Variants in GALNT10 observed in about 807,000 individuals in gnomAD.
GALNT10 encodes GalNAc transferase 10.
A neutral mutation model predicts 75.0 loss-of-function variants in GALNT10; 41 were observed. The observed-to-expected ratio is 0.55, with a 90% CI of 0.43 to 0.71. GALNT10 has a LOEUF of 0.71. Among genes scored for constraint, GALNT10 ranks in the 30% least tolerant of loss-of-function variants. The probability of loss-of-function intolerance (pLI) is 0.00; values close to 1 mark genes in which losing one functional copy is unlikely to be tolerated. For synonymous variants in GALNT10, 302 were observed against 313.0 expected (o/e 0.96, Z 0.37); for missense variants, 727 against 818.5 (o/e 0.89, Z 1.36).
rs372126311 is a variant in GALNT10 at position 154,416,480 on chromosome 5, T to TGCACACACACAC, written c.1654-334_1654-333insGCACACACACAC. Among the ~76,000 whole-genome samples, 1 of 141,828 alleles carries TGCACACACACAC rather than the reference T, an allele frequency of 7.1e-6. No individual in the cohort carries two copies. Among genetic ancestry groups the TGCACACACACAC allele is most frequent in the South Asian group, 2.4e-4 (1 of 4,198 alleles). The allele number at this position is 141,828 out of a possible 152,430, so 93.0% of individuals were successfully genotyped here. Reference sequence around the variant, plus strand: ...AAATAAAAGATAAAAGGAAAGCACATACACACACACACACACACACACACA... The same window carrying TGCACACACACAC: ...AAATAAAAGATAAAAGGAAAGCACATGCACACACACACACACACACACACACACACACACACA... On this transcript the variant is annotated intron_variant, in intron 11 of 11. Coordinates refer to ENST00000297107, the MANE Select transcript of GALNT10 (RefSeq NM_198321.4). This position sits in a 1 kb window ranked among gnomAD's most constrained non-coding sequence, Gnocchi z 4.5.
rs1411973593 is a variant in GALNT10 at position 154,352,848 on chromosome 5, T to C, written c.568+23110T>C. Among the ~76,000 whole-genome samples, 1 of 152,194 alleles carries C rather than the reference T, an allele frequency of 6.6e-6. No individual in the cohort carries two copies. The highest frequency in any genetic ancestry group is 2.4e-5 in the African/African-American group (1 of 41,432). On this transcript the variant is annotated intron_variant, in intron 4 of 11. Transcript: ENST00000297107. This position sits in a 1 kb window ranked among gnomAD's most constrained non-coding sequence, Gnocchi z 4.4. ...CCGCGGTCTTGCATCGGGACATGGC[T>C]ATGGCAGGGAAGAAATTTTCACAGG...
intron 1 of GALNT10, among the ~76,000 whole-genome samples, chr5:154,211,894 A>G (rs1430368601): frequency 6.6e-6 from 1 of 152,210 alleles, no homozygotes; most frequent in Non-Finnish European, 1.5e-5. Context: ...AGGAAGCCAC[A>G]GTCCTTCTAG....
intron 4 of GALNT10, chr5:154,337,534 G>C: frequency 1.3e-6 from 1 of 746,696 alleles, no homozygotes; most frequent in Admixed American, 1.7e-5. Flanking sequence ...TGGTTTCATG[G>C]TTTGGCGAAG....
At chr5:154,225,914 A>G (rs1666178335) in intron 1 of GALNT10, among the ~76,000 whole-genome samples, 1 of 146,110 alleles carries the variant, frequency 6.8e-6, no homozygotes, top group Non-Finnish European at 1.5e-5. Context: ...GTTTTCACTC[A>G]TAGGTGGGAA....
chr5:154,230,352 A>G (rs1019030689), intron 1 of GALNT10, among the ~76,000 whole-genome samples: 2 of 152,198 alleles, frequency 1.3e-5, no homozygotes, highest in East Asian at 3.9e-4. Context: ...TCCTGTCCCC[A>G]AGGGGTTTAC....
At chr5:154,294,366 A>C (rs904542530) in intron 1 of GALNT10, among the ~76,000 whole-genome samples, 5 of 152,166 alleles carry the variant, frequency 3.3e-5, no homozygotes, top group Non-Finnish European at 7.4e-5. Context: ...AAAGAATGTA[A>C]AATACCTTAA....
intron 1 of GALNT10, among the ~76,000 whole-genome samples, chr5:154,291,179 T>C (rs1370216487): frequency 6.6e-6 from 1 of 152,176 alleles, no homozygotes; most frequent in Non-Finnish European, 1.5e-5. Flanking sequence ...AGAACATGAT[T>C]CTAGGGGTTT....
intron 1 of GALNT10, among the ~76,000 whole-genome samples, chr5:154,256,450 A>G (rs1329779854): frequency 6.6e-6 from 1 of 150,456 alleles, no homozygotes; most frequent in Non-Finnish European, 1.5e-5. Flanking sequence ...TCTCTCATTC[A>G]GTTTCATCTG....
At chr5:154,386,110 G>C (rs930993089) in intron 6 of GALNT10, among the ~76,000 whole-genome samples, 2 of 152,236 alleles carry the variant, frequency 1.3e-5, no homozygotes, top group Non-Finnish European at 2.9e-5. Context: ...GTCCCATTTG[G>C]TTAAAATGTA....
intron 1 of GALNT10, among the ~76,000 whole-genome samples, chr5:154,279,304 G>GTTTTTT (rs1199051669): frequency 9.9e-6 from 1 of 101,354 alleles, no homozygotes; most frequent in Non-Finnish European, 2.3e-5. Context: ...TTGTTGTTTT[G>GTTTTTT]TTTTTTTTTT....
chr5:154,213,892 A>G (rs1459880048), intron 1 of GALNT10, among the ~76,000 whole-genome samples: 2 of 152,180 alleles, frequency 1.3e-5, no homozygotes, highest in African/African-American at 4.8e-5. Context: ...TGTATTGTGT[A>G]TGCTAGAGCC....
chr5:154,386,221 C>T, intron 6 of GALNT10, 92 bp from the exon 7 acceptor site: 2 of 895,688 alleles, frequency 2.2e-6, no homozygotes, highest in East Asian at 4.9e-5. Flanking sequence ...CAGCATGGAA[C>T]ACCGCCGCTG....
intron 4 of GALNT10, chr5:154,329,961 C>CA (rs4032071): frequency 0.032 from 4,036 of 126,954 alleles, 116 homozygotes; most frequent in African/African-American, 0.068. Flanking sequence ...GTATTAACTG[C>CA]AAAAAAAAAA....
At chr5:154,372,080 T>C (rs1447872877) in intron 4 of GALNT10, among the ~76,000 whole-genome samples, 1 of 152,228 alleles carries the variant, frequency 6.6e-6, no homozygotes, top group Non-Finnish European at 1.5e-5. Flanking sequence ...TGATTCTTAA[T>C]GTTTAAAGTT....
intron 1 of GALNT10, among the ~76,000 whole-genome samples, chr5:154,205,982 G>A (rs990023970): frequency 2.0e-5 from 3 of 152,166 alleles, no homozygotes; most frequent in African/African-American, 7.2e-5. Flanking sequence ...TAGCCCTTGG[G>A]AACTAATACA....
At chr5:154,308,679 G>A (rs1394864769) in intron 3 of GALNT10, among the ~76,000 whole-genome samples, 1 of 152,176 alleles carries the variant, frequency 6.6e-6, no homozygotes, top group Non-Finnish European at 1.5e-5. Context: ...CTGTGTGTTT[G>A]TTATGGGCTC....
At chr5:154,343,450 TATAA>T (rs974065776) in intron 4 of GALNT10, among the ~76,000 whole-genome samples, 3 of 152,164 alleles carry the variant, frequency 2.0e-5, no homozygotes, top group African/African-American at 7.2e-5. Context: ...TTCAGCACTC[TATAA>T]ATACAAGGAG....
At position 154,343,196 on chromosome 5, in the gene GALNT10, T is replaced by C. The variant is rs1204487073; in HGVS notation, c.568+13458T>C. ...TTTCTGAGGATTGTGATGCAGCCAG[T>C]TCTGGGACCCTGAGCTGAGAAACTC... On this transcript the variant is annotated intron_variant, in intron 4 of 11. Coordinates refer to ENST00000297107, the MANE Select transcript of GALNT10 (RefSeq NM_198321.4). Among the ~76,000 whole-genome samples the C allele has an allele frequency of 5.9e-5, 9 of 152,160 alleles. No individual in the cohort carries two copies. The South Asian group carries it at 6.2e-4, about 11-fold the overall frequency.
intron 1 of GALNT10, among the ~76,000 whole-genome samples, chr5:154,230,303 G>A (rs1004929099): frequency 4.6e-5 from 7 of 152,178 alleles, no homozygotes; most frequent in Non-Finnish European, 7.3e-5. Flanking sequence ...AGTGTATCAA[G>A]TCATTTGGGG....
Sources: gnomAD v4.1 joint callset for allele counts (sites outside exome capture counted in the v4.1 genomes callset) on GRCh38, gnomAD v4.1.1 for gene constraint, Gnocchi (gnomAD v3.1) non-coding constraint, MANE v1.5 for transcripts, NCBI Gene and HGNC (gene_info 2026-07-23, HGNC 2026-07-21) for gene names.